Variants in NDST3 observed in about 807,000 individuals in gnomAD.
The protein encoded by NDST3 is bifunctional heparan sulfate N-deacetylase/N-sulfotransferase 3.
A neutral mutation model predicts 96.1 loss-of-function variants in NDST3; 58 were observed. That is an observed-to-expected ratio of 0.60 (90% CI 0.49 to 0.75). The LOEUF is 0.75. NDST3 is among the 30% of genes least tolerant of loss of function. The pLI is 0.00. For synonymous variants in NDST3, 333 were observed against 359.7 expected, an observed-to-expected ratio of 0.93 and a Z score of 0.84; for missense variants, 788 against 1,034.2, an observed-to-expected ratio of 0.76 and a Z score of 3.27.
intron 2 of NDST3, among the ~76,000 whole-genome samples, chr4:118,090,822 C>G (rs950627376): frequency 6.6e-6 from 1 of 151,640 alleles, no homozygotes. Context: ...GAATTTCAGA[C>G]AAAAATTCTA....
intron 6 of NDST3, among the ~76,000 whole-genome samples, chr4:118,212,381 A>G (rs998777617): frequency 2.0e-5 from 3 of 152,206 alleles, no homozygotes; most frequent in Non-Finnish European, 4.4e-5. Context: ...TCTACAAAAA[A>G]ATACAATAAT....
chr4:118,085,023 C>T (rs1209897035), intron 2 of NDST3, among the ~76,000 whole-genome samples: 1 of 152,072 alleles, frequency 6.6e-6, no homozygotes, highest in East Asian at 1.9e-4. Context: ...ACTCCGGAGG[C>T]TGAGGCAGGG....
chr4:118,168,183 A>G (rs1735684421), intron 6 of NDST3, among the ~76,000 whole-genome samples: 1 of 152,034 alleles, frequency 6.6e-6, no homozygotes, highest in Admixed American at 6.6e-5. Context: ...TAAGGAGTTA[A>G]TATTCAAAAT....
chr4:118,048,455 C>A (rs1724892641), intron 1 of NDST3, among the ~76,000 whole-genome samples: 1 of 151,992 alleles, frequency 6.6e-6, no homozygotes, highest in African/African-American at 2.4e-5. Context: ...AAGACAAGAC[C>A]CAACCATTTG....
intron 3 of NDST3, among the ~76,000 whole-genome samples, chr4:118,113,479 C>T (rs1006100908): frequency 1.3e-5 from 2 of 152,132 alleles, no homozygotes; most frequent in Non-Finnish European, 2.9e-5. Flanking sequence ...ATCTTTGTTT[C>T]TTCTGTATAC....
At chr4:118,217,534 G>A (rs934393050) in intron 6 of NDST3, among the ~76,000 whole-genome samples, 2 of 152,010 alleles carry the variant, frequency 1.3e-5, no homozygotes, top group African/African-American at 2.4e-5. Flanking sequence ...CATTTTCCAC[G>A]ATGATAAAAA....
intron 2 of NDST3, among the ~76,000 whole-genome samples, chr4:118,081,199 TAGA>T (rs1172930264): frequency 5.9e-5 from 9 of 152,224 alleles, no homozygotes; most frequent in African/African-American, 1.9e-4. Flanking sequence ...TGTGGCATTA[TAGA>T]AGAAGAACCC....
chr4:118,112,386 C>T (rs140896044), intron 3 of NDST3, among the ~76,000 whole-genome samples: 308 of 152,258 alleles, frequency 2.0e-3, no homozygotes, highest in African/African-American at 7.0e-3. Context: ...AGCTTAAAAG[C>T]AGTGGGAGAG....
intron 6 of NDST3, among the ~76,000 whole-genome samples, chr4:118,151,901 T>A (rs758306471): frequency 9.9e-5 from 15 of 152,170 alleles, no homozygotes; most frequent in Non-Finnish European, 1.9e-4. Flanking sequence ...TTCTATAGCA[T>A]CCTCTGCAGA....
At chr4:118,040,191 G>A (rs895945226) in intron 1 of NDST3, among the ~76,000 whole-genome samples, 3 of 152,326 alleles carry the variant, frequency 2.0e-5, no homozygotes, top group Admixed American at 1.3e-4. Context: ...GAGCCAAATA[G>A]TGGCTGGAAT....
At chr4:118,045,859 C>A (rs547134262) in intron 1 of NDST3, among the ~76,000 whole-genome samples, 2 of 152,040 alleles carry the variant, frequency 1.3e-5, no homozygotes, top group South Asian at 4.2e-4. Flanking sequence ...AATCACAGGA[C>A]CTGTCTTAAT....
At chr4:118,051,852 C>G (rs142313636) in intron 1 of NDST3, among the ~76,000 whole-genome samples, 1 of 151,962 alleles carries the variant, frequency 6.6e-6, no homozygotes, top group East Asian at 1.9e-4. Flanking sequence ...CTACACCAGT[C>G]AGAATGGCAA....
chr4:118,088,955 T>C (rs187674565), intron 2 of NDST3, among the ~76,000 whole-genome samples: 74 of 152,084 alleles, frequency 4.9e-4, no homozygotes, highest in African/African-American at 1.6e-3. Context: ...TTTCTAGGTC[T>C]ACTCAATTAA....
At chr4:118,168,132 C>T (rs1323068313) in intron 6 of NDST3, among the ~76,000 whole-genome samples, 1 of 151,434 alleles carries the variant, frequency 6.6e-6, no homozygotes, top group Non-Finnish European at 1.5e-5. Flanking sequence ...GAAAATGCAA[C>T]CTATGGAATG....
intron 4 of NDST3, among the ~76,000 whole-genome samples, chr4:118,126,165 A>G (rs977285895): frequency 6.6e-6 from 1 of 151,968 alleles, no homozygotes; most frequent in Non-Finnish European, 1.5e-5. Context: ...TAATTATATA[A>G]TTTTGACTAT....
At chr4:118,195,542 C>T (rs1368815225) in intron 6 of NDST3, among the ~76,000 whole-genome samples, 1 of 152,160 alleles carries the variant, frequency 6.6e-6, no homozygotes, top group African/African-American at 2.4e-5. Context: ...TATAATTTAC[C>T]CAGTCTGGGG....
intron 5 of NDST3, among the ~76,000 whole-genome samples, chr4:118,140,612 G>A (rs1281580719): frequency 6.6e-6 from 1 of 152,110 alleles, no homozygotes; most frequent in East Asian, 1.9e-4. Context: ...AAAGGAAAGA[G>A]GTTTAATGGA....
chr4:118,071,290 A>G, intron 2 of NDST3, among the ~76,000 whole-genome samples: 1 of 152,076 alleles, frequency 6.6e-6, no homozygotes, highest in East Asian at 1.9e-4. Context: ...CTTCAAGGGT[A>G]CATGTGCAAG....
intron 6 of NDST3, among the ~76,000 whole-genome samples, chr4:118,220,392 A>G: frequency 6.6e-6 from 1 of 152,000 alleles, no homozygotes. Flanking sequence ...CATAAGAGGT[A>G]GTTGAACAAT....
Sources: gnomAD v4.1 joint callset for allele counts (sites outside exome capture counted in the v4.1 genomes callset) on GRCh38, gnomAD v4.1.1 for gene constraint, MANE v1.5 for transcripts, NCBI Gene and HGNC (gene_info 2026-07-23, HGNC 2026-07-21) for gene names.